Variants in PRKACB observed in about 807,000 individuals in gnomAD.
PRKACB encodes the protein protein kinase cAMP-activated catalytic subunit beta.
A neutral mutation model predicts 51.4 loss-of-function variants in PRKACB; 16 were observed. That is an observed-to-expected ratio of 0.31 (90% confidence interval 0.21 to 0.47). The LOEUF (loss-of-function observed/expected upper bound fraction) is 0.47. Among genes scored for constraint, PRKACB ranks in the 20% least tolerant of loss-of-function variants. The pLI is 1.00. For missense variants in PRKACB, 309 were observed against 464.5 expected, an observed-to-expected ratio of 0.67 and a Z score of 3.08; for synonymous variants, 147 against 154.4, an observed-to-expected ratio of 0.95 and a Z score of 0.35.
At chr1:84,083,872 CTTCA>C (rs1226935040) in intron 1 of PRKACB, among the ~76,000 whole-genome samples, 1 of 152,146 alleles carries the variant, frequency 6.6e-6, no homozygotes, top group Non-Finnish European at 1.5e-5. Context: ...TTGTTCATTG[CTTCA>C]TTCATTCCTT....
intron 1 of PRKACB, among the ~76,000 whole-genome samples, chr1:84,090,711 A>G (rs748285287): frequency 1.2e-4 from 18 of 152,138 alleles, no homozygotes; most frequent in Non-Finnish European, 1.6e-4. Context: ...AGCCAGGTAT[A>G]AGCTGTATCA....
intron 1 of PRKACB, among the ~76,000 whole-genome samples, chr1:84,169,450 A>G (rs1229514177): frequency 6.6e-6 from 1 of 151,658 alleles, no homozygotes; most frequent in Non-Finnish European, 1.5e-5. Flanking sequence ...TAGAATATAA[A>G]GCTGCATTAG....
At chr1:84,124,480 G>A (rs1651385171) in intron 1 of PRKACB, among the ~76,000 whole-genome samples, 1 of 152,194 alleles carries the variant, frequency 6.6e-6, no homozygotes, top group African/African-American at 2.4e-5. Flanking sequence ...TCTGAATGGT[G>A]AAAATTGGGT....
At chr1:84,107,966 A>G (rs1649917410) in intron 1 of PRKACB, among the ~76,000 whole-genome samples, 1 of 152,112 alleles carries the variant, frequency 6.6e-6, no homozygotes, top group African/African-American at 2.4e-5. Flanking sequence ...GGACCCAGCA[A>G]TCCCACCAGG....
intron 1 of PRKACB, among the ~76,000 whole-genome samples, chr1:84,135,346 C>G (rs908561910): frequency 1.1e-4 from 17 of 152,316 alleles, no homozygotes; most frequent in Non-Finnish European, 2.2e-4. Flanking sequence ...CTTCAACACT[C>G]TTCTTTCAAT....
chr1:84,231,280 C>T (rs1042935222), intron 9 of PRKACB, among the ~76,000 whole-genome samples: 1 of 152,150 alleles, frequency 6.6e-6, no homozygotes, highest in African/African-American at 2.4e-5. Context: ...CCCACTTGAT[C>T]ATGGTGGATA....
At chr1:84,197,081 A>G (rs1558228600) in intron 6 of PRKACB, among the ~76,000 whole-genome samples, 1 of 152,206 alleles carries the variant, frequency 6.6e-6, no homozygotes, top group Non-Finnish European at 1.5e-5. Flanking sequence ...AAGTGGAAAT[A>G]CCATTGTTAT....
intron 1 of PRKACB, chr1:84,173,280 T>C: frequency 6.9e-7 from 1 of 1,445,050 alleles, no homozygotes; most frequent in Non-Finnish European, 9.5e-7. Context: ...TTCTTGTAGG[T>C]ATGTTATTTT....
chr1:84,175,727 GTC>G (rs1661007587), intron 1 of PRKACB: 1 of 1,376,940 alleles, frequency 7.3e-7, no homozygotes, highest in Non-Finnish European at 9.8e-7. Flanking sequence ...CATAAAAATT[GTC>G]TCTCTTTTTT....
chr1:84,189,701 AAATT>A (rs1666191466), intron 5 of PRKACB, among the ~76,000 whole-genome samples: 1 of 151,978 alleles, frequency 6.6e-6, no homozygotes. Context: ...AAAACTAGGG[AAATT>A]AATTAGATCT....
At chr1:84,216,095 A>G (rs946280582) in intron 9 of PRKACB, among the ~76,000 whole-genome samples, 1 of 152,176 alleles carries the variant, frequency 6.6e-6, no homozygotes, top group Non-Finnish European at 1.5e-5. Context: ...ACACTTTGGG[A>G]GGCCAAGGTG....
At chr1:84,098,500 G>C (rs74933477) in intron 1 of PRKACB, among the ~76,000 whole-genome samples, 2,017 of 152,150 alleles carry the variant, frequency 0.013, 55 homozygotes, top group African/African-American at 0.046. Context: ...GCAGTAGAAA[G>C]CAATATTATC....
chr1:84,110,292 A>G (rs1470197828), intron 1 of PRKACB, among the ~76,000 whole-genome samples: 3 of 152,010 alleles, frequency 2.0e-5, no homozygotes, highest in African/African-American at 7.2e-5. Context: ...ATTAGGTATT[A>G]TAAATAATCT....
rs148072860 is a variant in PRKACB at position 84,113,638 on chromosome 1, T to G, written c.46+35267T>G. Reference sequence around the variant, plus strand: ...ATTGGTGAGTAAAGAGAATATTGTTTATCCATACAATTCAATACTATTCAA... The same window carrying G: ...ATTGGTGAGTAAAGAGAATATTGTTGATCCATACAATTCAATACTATTCAA... On this transcript the variant is annotated intron_variant, in intron 1 of 8. Transcript: ENST00000370688. Among the ~76,000 whole-genome samples the G allele has an allele frequency of 1.0e-2, 1,520 of 152,298 alleles. 23 individuals carry two copies. The highest frequency in any genetic ancestry group is 0.013 in the Non-Finnish European group (879 of 68,024).
At chr1:84,204,277 A>C (rs1029696767) in intron 8 of PRKACB, among the ~76,000 whole-genome samples, 1 of 152,010 alleles carries the variant, frequency 6.6e-6, no homozygotes, top group Admixed American at 6.6e-5. Flanking sequence ...TTTATACTCC[A>C]ACTATGTCAA....
intron 1 of PRKACB, among the ~76,000 whole-genome samples, chr1:84,156,418 A>G (rs1343155956): frequency 2.0e-5 from 3 of 152,164 alleles, no homozygotes; most frequent in Non-Finnish European, 4.4e-5. Flanking sequence ...CGGAGACCTC[A>G]GTGGTTCTTA....
intron 1 of PRKACB, among the ~76,000 whole-genome samples, chr1:84,100,543 T>C (rs1266651787): frequency 6.6e-6 from 1 of 152,148 alleles, no homozygotes; most frequent in African/African-American, 2.4e-5. Flanking sequence ...AGATCACACA[T>C]TTAATGGCAG....
At chr1:84,229,575 A>C (rs1362102121) in intron 9 of PRKACB, among the ~76,000 whole-genome samples, 1 of 150,756 alleles carries the variant, frequency 6.6e-6, no homozygotes, top group Non-Finnish European at 1.5e-5. Context: ...CTATTTCTCC[A>C]CATCCTCTCC....
chr1:84,107,046 T>A (rs1363980147), intron 1 of PRKACB, among the ~76,000 whole-genome samples: 1 of 152,142 alleles, frequency 6.6e-6, no homozygotes. Context: ...GTATGCTTAG[T>A]ACCTGGGTGA....
Sources: gnomAD v4.1 joint callset for allele counts (sites outside exome capture counted in the v4.1 genomes callset) on GRCh38, gnomAD v4.1.1 for gene constraint, MANE v1.5 for transcripts, NCBI Gene and HGNC (gene_info 2026-07-23, HGNC 2026-07-21) for gene names.